CLIC5: variants seen among roughly 807,000 people sequenced by gnomAD.
CLIC5 encodes the protein CLIC family member 5.
A neutral mutation model predicts 24.7 loss-of-function variants in CLIC5; 20 were observed. The ratio of observed to expected loss-of-function variants is 0.81; its 90% CI spans 0.57 to 1.18. The LOEUF is 1.18. CLIC5 is among the 50% of genes most tolerant of loss of function. CLIC5 has a pLI of 0.00. For synonymous variants in CLIC5, 159 were observed against 135.6 expected, an observed-to-expected ratio of 1.17 and a Z score of -1.20; for missense variants, 341 against 326.1, an observed-to-expected ratio of 1.05 and a Z score of -0.35.
At chr6:45,955,084 T>C in intron 2 of CLIC5, 51 bp downstream of exon 2, 1 of 1,388,184 alleles carries the variant, frequency 7.2e-7, no homozygotes, top group Non-Finnish European at 1.0e-6. Context: ...TCATGGAAGG[T>C]TCTCTGTTCA....
chr6:45,981,754 C>A (rs936157295), intron 1 of CLIC5, among the ~76,000 whole-genome samples: 12 of 152,126 alleles, frequency 7.9e-5, no homozygotes, highest in African/African-American at 2.7e-4. Context: ...CCAATAATCC[C>A]AGCATTTTGG....
intron 5 of CLIC5, among the ~76,000 whole-genome samples, chr6:45,910,733 A>AT (rs1762793216): frequency 2.0e-5 from 3 of 152,186 alleles, no homozygotes; most frequent in African/African-American, 7.2e-5. Flanking sequence ...TCTATTTACT[A>AT]TTTTTTGTGA....
the CLIC5 span, among the ~76,000 whole-genome samples, chr6:46,091,274 GCCA>G: frequency 6.6e-6 from 1 of 152,050 alleles, no homozygotes; most frequent in Non-Finnish European, 1.5e-5. Context: ...CCAACCTCTT[GCCA>G]CCACCATGTT....
intron 1 of CLIC5, among the ~76,000 whole-genome samples, chr6:46,039,112 G>A (rs933394650): frequency 2.6e-5 from 4 of 152,084 alleles, no homozygotes; most frequent in African/African-American, 4.8e-5. Context: ...CAAATATTCT[G>A]AAGATAACAA....
At chr6:45,961,182 G>T (rs905453546) in intron 1 of CLIC5, among the ~76,000 whole-genome samples, 7 of 152,242 alleles carry the variant, frequency 4.6e-5, no homozygotes, top group South Asian at 2.1e-4. Context: ...TCTCAAGAAA[G>T]ATAATTAAGT....
chr6:45,940,722 C>G (rs996887541), intron 4 of CLIC5, among the ~76,000 whole-genome samples: 3 of 152,186 alleles, frequency 2.0e-5, no homozygotes, highest in Non-Finnish European at 4.4e-5. Flanking sequence ...AAGGGAATGG[C>G]TGCCATTGCC....
chr6:46,124,341 C>T, the CLIC5 span, among the ~76,000 whole-genome samples: 1 of 152,138 alleles, frequency 6.6e-6, no homozygotes, highest in Non-Finnish European at 1.5e-5. Context: ...GAAAGGATTC[C>T]CTATTTAACA....
At chr6:46,113,621 G>A in the CLIC5 span, among the ~76,000 whole-genome samples, 1 of 152,182 alleles carries the variant, frequency 6.6e-6, no homozygotes, top group Non-Finnish European at 1.5e-5. Context: ...ATGCTGGCAA[G>A]GGGACCAGAC....
intron 4 of CLIC5, among the ~76,000 whole-genome samples, chr6:45,921,751 G>T (rs1763270375): frequency 6.6e-6 from 1 of 152,176 alleles, no homozygotes; most frequent in African/African-American, 2.4e-5. Flanking sequence ...ACATGTTAGG[G>T]ATCTAAAGTT....
chr6:45,921,631 G>A (rs1336354648), intron 4 of CLIC5, among the ~76,000 whole-genome samples: 3 of 151,436 alleles, frequency 2.0e-5, no homozygotes, highest in Admixed American at 6.6e-5. Context: ...GATAGCTCAA[G>A]GCAGAAATTC....
At chr6:45,945,983 G>A (rs1764276887) in intron 3 of CLIC5, among the ~76,000 whole-genome samples, 1 of 152,212 alleles carries the variant, frequency 6.6e-6, no homozygotes, top group African/African-American at 2.4e-5. Flanking sequence ...AGGATTATTT[G>A]AGACAATAAC....
At chr6:46,107,304 G>T in the CLIC5 span, among the ~76,000 whole-genome samples, 1 of 152,048 alleles carries the variant, frequency 6.6e-6, no homozygotes, top group East Asian at 1.9e-4. Flanking sequence ...TTTAGATTTT[G>T]AGGTCTAGGC....
intron 4 of CLIC5, among the ~76,000 whole-genome samples, chr6:45,940,402 T>C (rs1288600065): frequency 6.6e-6 from 1 of 152,248 alleles, no homozygotes; most frequent in African/African-American, 2.4e-5. Context: ...AACCAAGTTT[T>C]GCACTTGTCA....
At chr6:46,024,751 G>A (rs192995352) in intron 1 of CLIC5, among the ~76,000 whole-genome samples, 1 of 152,206 alleles carries the variant, frequency 6.6e-6, no homozygotes, top group Non-Finnish European at 1.5e-5. Flanking sequence ...CTGTAGGCAA[G>A]AGGTGGTCTA....
chr6:45,891,564 A>C (rs552623072), intron 6 of CLIC5, among the ~76,000 whole-genome samples: 1,687 of 108,070 alleles, frequency 0.016, 36 homozygotes, highest in African/African-American at 0.066. Context: ...TGAACCCGGG[A>C]GGCAGAGGTT....
chr6:46,011,145 TTGA>T (rs1271215246), intron 1 of CLIC5, among the ~76,000 whole-genome samples: 9 of 152,334 alleles, frequency 5.9e-5, no homozygotes, highest in Non-Finnish European at 8.8e-5. Context: ...CCATGCTGAA[TTGA>T]TGATTCTTTG....
At chr6:45,890,533 A>G (rs374462838) in intron 6 of CLIC5, among the ~76,000 whole-genome samples, 1 of 152,184 alleles carries the variant, frequency 6.6e-6, no homozygotes, top group African/African-American at 2.4e-5. Flanking sequence ...AAATAGAATG[A>G]CTATATGATC....
At position 45,900,589 on chromosome 6, in the gene CLIC5, T is replaced by C; in HGVS notation, c.*2499A>G. The stretch of plus-strand genomic sequence containing the variant: ...TGTTACTTTAATATACCATAATAAA[T>C]CTAGTCATAAGACACCATAACTAAC... On this transcript the variant is annotated 3_prime_UTR_variant, in exon 6 of 6. Transcript: ENST00000339561. 1 of 149,962 alleles carries C rather than the reference T, an allele frequency of 6.7e-6. No homozygotes were observed. Among genetic ancestry groups the C allele is most frequent in the East Asian group, 2.0e-4 (1 of 5,054 alleles). 9.3% of individuals were successfully genotyped at this position (149,962 alleles called of 1,614,324 possible).
In CLIC5 at chr6:45,899,854, T is replaced by A. The variant is rs1341133461; in HGVS notation, c.*3234A>T. On this transcript the variant is annotated 3_prime_UTR_variant, in exon 6 of 6. Transcript: ENST00000339561. The stretch of plus-strand genomic sequence containing the variant: ...ACAGGGCCATTTCCCAAGATAAAAC[T>A]AGTTTGGGATCGTGTGGCCAAATAA... The A allele has an allele frequency of 6.6e-6, 1 of 152,170 alleles. No homozygotes were observed. The highest frequency in any genetic ancestry group is 6.5e-5 in the Admixed American group (1 of 15,292). 9.4% of individuals were successfully genotyped at this position (152,170 alleles called of 1,614,324 possible).
Sources: gnomAD v4.1 joint callset for allele counts (sites outside exome capture counted in the v4.1 genomes callset) on GRCh38, gnomAD v4.1.1 for gene constraint, MANE v1.5 for transcripts, NCBI Gene and HGNC (gene_info 2026-07-23, HGNC 2026-07-21) for gene names.